The following MAP4K3 variants were observed in gnomAD, a reference collection of about 807,000 sequenced individuals.
MAP4K3 encodes the protein mitogen-activated protein kinase kinase kinase kinase 3, also known as MAPK/ERK kinase kinase kinase 3.
Under a neutral mutation model 143.5 loss-of-function variants are expected in MAP4K3, and 94 were observed. The ratio of observed to expected loss-of-function variants is 0.65; its 90% CI spans 0.55 to 0.78. The LOEUF (loss-of-function observed/expected upper bound fraction) is 0.78, where lower values mean the gene tolerates loss of function less well. Ranked by LOEUF, MAP4K3 falls within the 30% of genes least tolerant of loss-of-function variation. The probability of loss-of-function intolerance (pLI) is 0.00; values close to 1 mark genes in which losing one functional copy is unlikely to be tolerated. For synonymous variants in MAP4K3, 416 were observed against 347.2 expected (o/e 1.20, Z -2.20); for missense variants, 1,077 against 1,068.1 (o/e 1.01, Z -0.12).
chr2:39,325,746 G>C lies in MAP4K3; in HGVS notation c.791C>G (p.Ala264Gly). 9 of 1,608,372 alleles carry C rather than the reference G, an allele frequency of 5.6e-6. No individual in the cohort carries two copies. The highest frequency in any genetic ancestry group is 7.6e-6 in the Non-Finnish European group (9 of 1,177,088). Residue 264 changes from alanine to glycine, a missense_variant, in exon 11 of 34, where the codon GCT (alanine) becomes GGT (glycine). This residue lies in a region of MAP4K3 where 864 missense variants were observed against 801.2 expected (regional missense o/e 1.08). Coordinates refer to ENST00000263881, the MANE Select transcript of MAP4K3 (RefSeq NM_003618.4). ...LTKNPKKRPT[A>G]EKLLQHPFVT... ...AAATAATACCTGTAATAATTTTTCAGCAGTAGGTCTTTTTTTCGGATTTTT... is the reference window on the plus strand; with the variant it reads ...AAATAATACCTGTAATAATTTTTCACCAGTAGGTCTTTTTTTCGGATTTTT...
chr2:39,326,409 T>C (rs1683491088), intron 8 of MAP4K3, 132 bp from the exon 9 acceptor site: 5 of 848,296 alleles, frequency 5.9e-6, no homozygotes, highest in Admixed American at 5.3e-5. Flanking sequence ...AAAATAAATA[T>C]GCAGTACTTA....
intron 4 of MAP4K3, among the ~76,000 whole-genome samples, chr2:39,339,612 A>C (rs2148531105): frequency 6.6e-6 from 1 of 152,332 alleles, no homozygotes; most frequent in South Asian, 2.1e-4. Context: ...AAACACCCAC[A>C]TAAAACCAGA....
In MAP4K3 at chr2:39,315,321, G is replaced by T; in HGVS notation, c.986C>A (p.Ser329Ter). 6.2e-7 allele frequency: 1 copy of T among 1,602,200 alleles called. No homozygotes were observed. The highest frequency in any genetic ancestry group is 1.1e-5 in the South Asian group (1 of 90,714). ...TAGTATATACTTACAGGTTATCTCTGAGCGTGTTTTTTCTTCTCTCACGTT... is the reference window on the plus strand; with the variant it reads ...TAGTATATACTTACAGGTTATCTCTTAGCGTGTTTTTTCTTCTCTCACGTT... ...SRNVREEKTRSEITFGQVKFD... is the reference protein window; with the variant it reads ...SRNVREEKTR The change falls in exon 13 of 34, where the codon TCA becomes TAA. Residue 329 changes from serine (S) to a stop codon, truncating the protein, a stop_gained. Transcript: ENST00000263881. LOFTEE classifies it high-confidence loss of function.
chr2:39,302,149 G>T lies in MAP4K3; in HGVS notation c.1120-2348C>A, dbSNP rs150982460. Among the ~76,000 whole-genome samples the T allele has an allele frequency of 8.8e-4, 134 of 152,122 alleles. 1 individual carries two copies. In the Middle Eastern group the frequency reaches 0.01, roughly 12 times the overall value. On this transcript the variant is annotated intron_variant, in intron 15 of 33. Coordinates refer to ENST00000263881, the MANE Select transcript of MAP4K3 (RefSeq NM_003618.4). ...ATATATTAATAGAAAATTGAGCATA[G>T]GCTCATATAGAGAATAACATTCAGG...
intron 26 of MAP4K3, among the ~76,000 whole-genome samples, chr2:39,271,138 T>C (rs1015784809): frequency 1.3e-5 from 2 of 152,178 alleles, no homozygotes; most frequent in African/African-American, 4.8e-5. Flanking sequence ...AGCTTATGCT[T>C]TATTAAAAAT....
In MAP4K3 at chr2:39,250,409, A is replaced by C. The variant is rs1410257628; in HGVS notation, c.*209T>G. The C allele has an allele frequency of 9.9e-6, 5 of 503,310 alleles. No individual in the cohort carries two copies. Among genetic ancestry groups the C allele is most frequent in the Non-Finnish European group, 1.8e-5 (5 of 282,986 alleles). The allele number at this position is 503,310 out of a possible 1,614,324, so 31.2% of individuals were successfully genotyped here. On this transcript the variant is annotated 3_prime_UTR_variant, in exon 34 of 34. Transcript: ENST00000263881. ...TGCCTATATGTACAAAGATTACATAACAATGAATTAAGCACTTGTGTGGTT... is the reference window on the plus strand; with the variant it reads ...TGCCTATATGTACAAAGATTACATACCAATGAATTAAGCACTTGTGTGGTT...
At chr2:39,284,561 TA>T (rs1280420760) in intron 21 of MAP4K3, among the ~76,000 whole-genome samples, 1 of 152,058 alleles carries the variant, frequency 6.6e-6, no homozygotes, top group East Asian at 1.9e-4. Context: ...TTAAAATAAA[TA>T]AGGCTGGGCG....
Position 39,286,921 on chromosome 2 carries a change from G to A in MAP4K3, c.1518C>T (p.Gly506=). 6.2e-7 allele frequency: 1 copy of A among 1,609,016 alleles called. No individual in the cohort carries two copies. Among genetic ancestry groups the A allele is most frequent in the East Asian group, 2.2e-5 (1 of 44,610 alleles). ...SSFQLNGERD[G]SLCQQQNEHR... The stretch of plus-strand genomic sequence containing the variant: ...GTTCATTCTGTTGTTGACATAATGA[G>A]CCATCTCGTTCACCATTTAACTGGA... Residue 506 remains glycine, a synonymous_variant, in exon 21 of 34, where the codon GGC becomes GGT. Transcript: ENST00000263881.
chr2:39,436,807 G>T, intron 1 of MAP4K3, 85 bp downstream of exon 1: 2 of 1,183,788 alleles, frequency 1.7e-6, no homozygotes. Context: ...CGTCTCCCGA[G>T]GACAGGCGGC....
intron 1 of MAP4K3, among the ~76,000 whole-genome samples, chr2:39,391,358 C>CAAAAAAAAA (rs755777714): frequency 9.7e-4 from 44 of 45,354 alleles, no homozygotes; most frequent in Admixed American, 1.7e-3. Flanking sequence ...GACTCCATCT[C>CAAAAAAAAA]AAAAAAAAAA....
Position 39,394,997 on chromosome 2 carries a change from G to C in MAP4K3, c.97-16874C>G, listed in dbSNP as rs77894444. ...AACTCTTAACATCTGAAACAAAAATGGAACAAGAGAATGATTCCACTATGA... is the reference window on the plus strand; with the variant it reads ...AACTCTTAACATCTGAAACAAAAATCGAACAAGAGAATGATTCCACTATGA... On this transcript the variant is annotated intron_variant, in intron 1 of 33. Transcript: ENST00000263881. Among the ~76,000 whole-genome samples the C allele has an allele frequency of 1.7e-3, 260 of 152,120 alleles. 6 individuals carry two copies. In the East Asian group the frequency reaches 0.024, roughly 14 times the overall value.
intron 2 of MAP4K3, among the ~76,000 whole-genome samples, chr2:39,359,756 G>C (rs2148557011): frequency 6.6e-6 from 1 of 152,376 alleles, no homozygotes; most frequent in East Asian, 1.9e-4. Flanking sequence ...TGCCAGGCTT[G>C]GGGCTTGCAC....
intron 1 of MAP4K3, among the ~76,000 whole-genome samples, chr2:39,396,478 A>C (rs928011455): frequency 1.4e-5 from 2 of 138,168 alleles, no homozygotes; most frequent in African/African-American, 5.3e-5. Context: ...CAAGCCCCCA[A>C]TTTTTTTTTT....
At chr2:39,345,243 T>TA (rs1665253491) in intron 3 of MAP4K3, among the ~76,000 whole-genome samples, 4 of 137,532 alleles carry the variant, frequency 2.9e-5, no homozygotes, top group Admixed American at 1.6e-4. Context: ...CCAGGAGAAG[T>TA]GGTGCATACC....
chr2:39,415,968 AAAAAAAAAAAAAAT>A (rs1667358363), intron 1 of MAP4K3, among the ~76,000 whole-genome samples: 1 of 43,134 alleles, frequency 2.3e-5, no homozygotes, highest in African/African-American at 7.8e-5. Context: ...AAAAAAAAAA[AAAAAAAAAAAAAAT>A]ATATATATAT....
At chr2:39,329,971 A>G (rs1390355570) in intron 8 of MAP4K3, among the ~76,000 whole-genome samples, 3 of 152,302 alleles carry the variant, frequency 2.0e-5, no homozygotes, top group East Asian at 1.9e-4. Flanking sequence ...AGGAACTCTT[A>G]TAAGTAGAAC....
chr2:39,348,521 A>T (rs557678763), intron 3 of MAP4K3, among the ~76,000 whole-genome samples: 8 of 152,256 alleles, frequency 5.3e-5, no homozygotes, highest in African/African-American at 1.9e-4. Flanking sequence ...TGACAAATCT[A>T]CATTTGCTTT....
chr2:39,298,833 G>C (rs540450606), intron 16 of MAP4K3, among the ~76,000 whole-genome samples: 2 of 152,054 alleles, frequency 1.3e-5, no homozygotes, highest in East Asian at 3.9e-4. Flanking sequence ...TGGCATGGTG[G>C]CAGGCCCTTG....
chr2:39,286,758 T>C (rs565592190), intron 21 of MAP4K3, 94 bp downstream of exon 21: 1 of 487,422 alleles, frequency 2.1e-6, no homozygotes, highest in South Asian at 5.9e-5. Flanking sequence ...TAAAATATAC[T>C]AGTGCTATAG....
Sources: gnomAD v4.1 joint callset for allele counts (sites outside exome capture counted in the v4.1 genomes callset) on GRCh38, gnomAD v4.1.1 for gene constraint, gnomAD v4.1.1 regional missense constraint, MANE v1.5 for transcripts, NCBI Gene and HGNC (gene_info 2026-07-23, HGNC 2026-07-21) for gene names.